VGLL4: variants seen among roughly 807,000 people sequenced by gnomAD.
VGLL4 encodes vestigial like family member 4.
In VGLL4, 7 loss-of-function variants were observed where a neutral mutation model predicts 21.0. That is an observed-to-expected ratio of 0.33 (90% CI 0.19 to 0.63). The LOEUF (loss-of-function observed/expected upper bound fraction) is 0.63. Among genes scored for constraint, VGLL4 ranks in the 20% least tolerant of loss-of-function variants. VGLL4 has a pLI of 0.78. For missense variants in VGLL4, 394 were observed against 425.7 expected, an observed-to-expected ratio of 0.93 and a Z score of 0.66; for synonymous variants, 222 against 173.2, an observed-to-expected ratio of 1.28 and a Z score of -2.21.
At position 11,604,267 on chromosome 3, in the gene VGLL4, C is replaced by T. The variant is rs368744655; in HGVS notation, c.83-2245G>A. The T allele has an allele frequency of 1.9e-4, 105 of 546,846 alleles. 13 individuals are homozygous for T. In the South Asian group the frequency reaches 9.4e-3, roughly 49 times the overall value. The allele number at this position is 546,846 out of a possible 1,614,324, so 33.9% of individuals were successfully genotyped here. A position where few individuals can be genotyped will look rare whatever the true frequency, so the allele number is the denominator to read the frequency against. Reference sequence around the variant, plus strand: ...GGCGCCGGAAGGAGCCCAGGAAGCACGGTTTGCCTCATTTGATGGATGACG... The same window carrying T: ...GGCGCCGGAAGGAGCCCAGGAAGCATGGTTTGCCTCATTTGATGGATGACG... On this transcript the variant is annotated intron_variant, in intron 1 of 4. Transcript: ENST00000430365.
Position 11,617,277 on chromosome 3 carries a change from C to T in VGLL4, c.83-15255G>A, listed in dbSNP as rs560627688. Reference sequence around the variant, plus strand: ...GAATGATGCCATCTTTGTGCGAGAGCAATGGGACTAGAACAACGGGTTTGT... The same window carrying T: ...GAATGATGCCATCTTTGTGCGAGAGTAATGGGACTAGAACAACGGGTTTGT... On this transcript the variant is annotated intron_variant, in intron 1 of 4. Coordinates refer to ENST00000430365, the MANE Select transcript of VGLL4 (RefSeq NM_001128219.3). Among the ~76,000 whole-genome samples the T allele has an allele frequency of 3.9e-5, 6 of 152,228 alleles. No homozygotes were observed. The East Asian group carries it at 1.2e-3, about 29-fold the overall frequency.
intron 2 of VGLL4, among the ~76,000 whole-genome samples, chr3:11,591,755 C>T (rs563152907): frequency 6.6e-6 from 1 of 152,340 alleles, no homozygotes; most frequent in East Asian, 1.9e-4. Context: ...CAGAGAAGAG[C>T]AGCTCTGCTT....
intron 1 of VGLL4, chr3:11,627,228 A>ACTCTCTCTCTCTCTCTCTCTCT (rs1412462202): frequency 3.3e-4 from 41 of 123,408 alleles, no homozygotes; most frequent in African/African-American, 1.4e-3. Flanking sequence ...ACACACACAC[A>ACTCTCTCTCTCTCTCTCTCTCT]CACTCTCTCT....
chr3:11,714,662 T>C (rs1044884356), intron 1 of VGLL4, among the ~76,000 whole-genome samples: 9 of 152,202 alleles, frequency 5.9e-5, no homozygotes, highest in Admixed American at 4.6e-4. Flanking sequence ...CGCAGCCTTA[T>C]ACAGCAAGGC....
chr3:11,568,537 A>ACTGAAAACAG lies in VGLL4; in HGVS notation c.273-3528_273-3519dup. 6.5e-7 allele frequency: 1 copy of ACTGAAAACAG among 1,546,904 alleles called. No homozygotes were observed. The highest frequency in any genetic ancestry group is 8.8e-7 in the Non-Finnish European group (1 of 1,142,590). On this transcript the variant is annotated intron_variant, in intron 2 of 4. Transcript: ENST00000430365. The surrounding 1 kb of genome is among the most constrained non-coding windows in gnomAD (Gnocchi z 5.9). ...TGGGCACTATGGGTCAGACAAAGACACTGAAAACAGCGAGAAAAGGCCTGG... is the reference window on the plus strand; with the variant it reads ...TGGGCACTATGGGTCAGACAAAGACACTGAAAACAGCTGAAAACAGCGAGAAAAGGCCTGG...
intron 1 of VGLL4, among the ~76,000 whole-genome samples, chr3:11,624,095 T>C (rs1325135876): frequency 6.6e-6 from 1 of 152,186 alleles, no homozygotes; most frequent in Non-Finnish European, 1.5e-5. Flanking sequence ...TCTAGTACAA[T>C]GCTTTCCAAA....
intron 1 of VGLL4, chr3:11,633,074 T>G (rs558148219): frequency 6.6e-6 from 1 of 152,312 alleles, no homozygotes; most frequent in East Asian, 1.9e-4. Context: ...CCAGCTATCT[T>G]TCCTGCCTCT....
intron 2 of VGLL4, among the ~76,000 whole-genome samples, chr3:11,668,467 C>G (rs536671272): frequency 2.6e-4 from 40 of 152,236 alleles, no homozygotes; most frequent in Non-Finnish European, 5.0e-4. Flanking sequence ...TGCAAACTAA[C>G]GAGCCCTATC....
intron 2 of VGLL4, among the ~76,000 whole-genome samples, chr3:11,592,603 A>G (rs900399736): frequency 6.6e-6 from 1 of 152,188 alleles, no homozygotes; most frequent in Non-Finnish European, 1.5e-5. Context: ...ATCGTCCCAA[A>G]CTATCAGGCA....
At chr3:11,709,435 T>TAAAAAAAAAAAAAAA (rs58100629) in intron 1 of VGLL4, among the ~76,000 whole-genome samples, 4 of 108,856 alleles carry the variant, frequency 3.7e-5, no homozygotes, top group African/African-American at 1.0e-4. Context: ...AGACTCCGTC[T>TAAAAAAAAAAAAAAA]AAAAAAAAAA....
intron 2 of VGLL4, among the ~76,000 whole-genome samples, chr3:11,592,641 G>A (rs1225348189): frequency 1.3e-5 from 2 of 152,134 alleles, no homozygotes; most frequent in Non-Finnish European, 1.5e-5. Flanking sequence ...ATGATTCATC[G>A]CAGTTGGATA....
intron 1 of VGLL4, among the ~76,000 whole-genome samples, chr3:11,720,170 G>C (rs1025875868): frequency 6.6e-6 from 1 of 152,008 alleles, no homozygotes; most frequent in African/African-American, 2.4e-5. Flanking sequence ...CCCGCCAAGC[G>C]CCCGGAGTTC....
chr3:11,636,624 T>C (rs1297504880), intron 1 of VGLL4, among the ~76,000 whole-genome samples: 2 of 152,136 alleles, frequency 1.3e-5, no homozygotes, highest in African/African-American at 2.4e-5. Context: ...TTTAAGCAAA[T>C]TGTTTATTAA....
chr3:11,669,342 A>G (rs886989401), intron 2 of VGLL4, among the ~76,000 whole-genome samples: 4 of 152,176 alleles, frequency 2.6e-5, no homozygotes, highest in Non-Finnish European at 4.4e-5. Flanking sequence ...CTGTGACGCC[A>G]CTGCACTCCA....
At position 11,557,779 on chromosome 3, in the gene VGLL4, A is replaced by G. The variant is rs2072579664; in HGVS notation, c.*777T>C. 1 of 152,670 alleles carries G rather than the reference A, an allele frequency of 6.6e-6. No homozygotes were observed. The highest frequency in any genetic ancestry group is 2.4e-5 in the African/African-American group (1 of 41,444). 9.5% of individuals were successfully genotyped at this position (152,670 alleles called of 1,614,324 possible). ...AAGCACTATGGAATCCTCCAACCTC[A>G]GCTCTAGTCTAACAAACTGCAGTGT... On this transcript the variant is annotated 3_prime_UTR_variant, in exon 5 of 5. Transcript: ENST00000430365.
intron 2 of VGLL4, among the ~76,000 whole-genome samples, chr3:11,686,192 G>C (rs1490351359): frequency 6.6e-6 from 1 of 152,162 alleles, no homozygotes; most frequent in Non-Finnish European, 1.5e-5. Context: ...ATACCGAAAA[G>C]AACTGAAAGC....
At chr3:11,602,045 G>C in intron 1 of VGLL4, 23 bp from the exon 2 acceptor site, 1 of 1,507,128 alleles carries the variant, frequency 6.6e-7, no homozygotes, top group Non-Finnish European at 8.8e-7. Context: ...AGATGATGTA[G>C]TCACTAAGCA....
At position 11,702,457 on chromosome 3, in the gene VGLL4, A is replaced by T. The variant is rs1333160850; in HGVS notation, c.64+514T>A. On this transcript the variant is annotated intron_variant, in intron 2 of 5. Coordinates refer to the VGLL4 transcript ENST00000273038. ...AAACCCCGCCTCTACTAAAAATACA[A>T]AAAAAAAAAAAAAAAAAAAAAATTA... Among the ~76,000 whole-genome samples the T allele has an allele frequency of 8.3e-4, 4 of 4,832 alleles. No individual in the cohort carries two copies. In the African/African-American group the frequency reaches 0.026, roughly 31 times the overall value. The allele number at this position is 4,832 out of a possible 152,430, so 3.2% of individuals were successfully genotyped here.
At chr3:11,647,240 C>A (rs2075807113), upstream of VGLL4, among the ~76,000 whole-genome samples, 1 of 152,046 alleles carries the variant, frequency 6.6e-6, no homozygotes, top group Non-Finnish European at 1.5e-5. Context: ...ACTGGATGAC[C>A]TGCAGTGAGT....
Sources: gnomAD v4.1 joint callset for allele counts (sites outside exome capture counted in the v4.1 genomes callset) on GRCh38, gnomAD v4.1.1 for gene constraint, Gnocchi (gnomAD v3.1) non-coding constraint, MANE v1.5 for transcripts, NCBI Gene and HGNC (gene_info 2026-07-23, HGNC 2026-07-21) for gene names.